MITF: variants seen among roughly 807,000 people sequenced by gnomAD.
MITF encodes microphthalmia-associated transcription factor.
Under a neutral mutation model 60.5 loss-of-function variants are expected in MITF, and 17 were observed. The observed-to-expected ratio is 0.28, with a 90% CI of 0.19 to 0.42. The LOEUF (loss-of-function observed/expected upper bound fraction) is 0.42. MITF is among the 10% of genes least tolerant of loss of function. The probability of loss-of-function intolerance (pLI) is 1.00; values close to 1 mark genes in which losing one functional copy is unlikely to be tolerated. For synonymous variants in MITF, 260 were observed against 248.5 expected (o/e 1.05, Z -0.43); for missense variants, 622 against 683.5 (o/e 0.91, Z 1.00).
intron 5 of MITF, among the ~76,000 whole-genome samples, chr3:69,942,227 A>T (rs186211650): frequency 2.3e-4 from 35 of 152,196 alleles, no homozygotes; most frequent in African/African-American, 8.0e-4. Flanking sequence ...GATTTGCAAG[A>T]TGAAAAATTC....
intron 1 of MITF, among the ~76,000 whole-genome samples, chr3:69,805,815 T>C (rs1024890324): frequency 2.0e-5 from 3 of 152,100 alleles, no homozygotes; most frequent in Non-Finnish European, 4.4e-5. Flanking sequence ...TATGCCACCA[T>C]GTCTGGCTAA....
At chr3:69,804,475 C>A (rs2062973265) in intron 1 of MITF, among the ~76,000 whole-genome samples, 2 of 152,144 alleles carry the variant, frequency 1.3e-5, no homozygotes, top group Admixed American at 1.3e-4. Flanking sequence ...AACACTTAAC[C>A]TTTTCTCTCT....
At chr3:69,886,541 A>G (rs2064623596) in intron 2 of MITF, among the ~76,000 whole-genome samples, 1 of 152,096 alleles carries the variant, frequency 6.6e-6, no homozygotes, top group African/African-American at 2.4e-5. Context: ...AAACATTTCT[A>G]AAGAATCACC....
intron 2 of MITF, among the ~76,000 whole-genome samples, chr3:69,918,675 T>TCTGTGAAGTGAGACTAGTGGTAG (rs2065393610): frequency 1.3e-5 from 2 of 152,190 alleles, no homozygotes; most frequent in Admixed American, 1.3e-4. Flanking sequence ...AGTTTCCTCA[T>TCTGTGAAGTGAGACTAGTGGTAG]CTGTGAAGTG....
chr3:69,820,101 T>C (rs2063244764), intron 1 of MITF, among the ~76,000 whole-genome samples: 1 of 152,214 alleles, frequency 6.6e-6, no homozygotes. Context: ...CCAGACCTCA[T>C]AGATTTCATA....
chr3:69,919,152 G>A (rs1260131320), intron 2 of MITF, among the ~76,000 whole-genome samples: 1 of 152,154 alleles, frequency 6.6e-6, no homozygotes, highest in Non-Finnish European at 1.5e-5. Context: ...CCACCACAGT[G>A]CATTTTCCAA....
intron 3 of MITF, 52 bp from the exon 4 acceptor site, chr3:69,939,046 A>G: frequency 6.3e-7 from 1 of 1,599,924 alleles, no homozygotes; most frequent in Non-Finnish European, 8.5e-7. Context: ...AGGTCATTAA[A>G]AAGTCATTTG....
At chr3:69,963,744 T>C (rs2066609456) in intron 9 of MITF, among the ~76,000 whole-genome samples, 1 of 152,092 alleles carries the variant, frequency 6.6e-6, no homozygotes, top group Admixed American at 6.6e-5. Flanking sequence ...AACTTTGCAA[T>C]GATATCATGT....
intron 1 of MITF, among the ~76,000 whole-genome samples, chr3:69,784,715 G>A (rs1021737993): frequency 1.4e-4 from 21 of 152,078 alleles, no homozygotes; most frequent in Non-Finnish European, 5.9e-5. Flanking sequence ...TTAGAGATTG[G>A]AACTTTTCCA....
At chr3:69,892,445 C>T (rs537420586) in intron 2 of MITF, among the ~76,000 whole-genome samples, 26 of 152,096 alleles carry the variant, frequency 1.7e-4, no homozygotes, top group Non-Finnish European at 2.6e-4. Flanking sequence ...TCATTATCAC[C>T]CAAAGTCCAA....
chr3:69,814,090 T>G (rs963054349), intron 1 of MITF, among the ~76,000 whole-genome samples: 1 of 152,086 alleles, frequency 6.6e-6, no homozygotes, highest in African/African-American at 2.4e-5. Context: ...CTGGGCAGCT[T>G]CTTGATTTCC....
intron 1 of MITF, among the ~76,000 whole-genome samples, chr3:69,753,033 A>G (rs1256640731): frequency 1.3e-5 from 2 of 152,218 alleles, no homozygotes; most frequent in Admixed American, 6.5e-5. Context: ...AAAGCATTTC[A>G]GAGAACTTTG....
chr3:69,787,268 A>G (rs180729266), intron 1 of MITF, among the ~76,000 whole-genome samples: 10 of 152,334 alleles, frequency 6.6e-5, no homozygotes, highest in African/African-American at 2.4e-4. Context: ...ACTGAACTTC[A>G]CCAAAGGAAG....
At chr3:69,848,716 G>A (rs1391767804) in intron 1 of MITF, among the ~76,000 whole-genome samples, 1 of 152,118 alleles carries the variant, frequency 6.6e-6, no homozygotes, top group East Asian at 1.9e-4. Flanking sequence ...TGACAATCAT[G>A]TCACATCTGC....
intron 1 of MITF, among the ~76,000 whole-genome samples, chr3:69,865,206 T>C (rs1338891157): frequency 6.6e-6 from 1 of 152,204 alleles, no homozygotes; most frequent in Non-Finnish European, 1.5e-5. Flanking sequence ...ATAATTTCAT[T>C]ATATCACGTA....
chr3:69,933,861 A>C (rs576526039), intron 2 of MITF, among the ~76,000 whole-genome samples: 2 of 152,320 alleles, frequency 1.3e-5, no homozygotes, highest in Admixed American at 1.3e-4. Context: ...TTGGCTATTT[A>C]AAAATTAATG....
At chr3:69,849,760 A>G (rs1036052) in intron 1 of MITF, among the ~76,000 whole-genome samples, 74,781 of 151,980 alleles carry the variant, frequency 0.49, 20,124 homozygotes, top group Non-Finnish European at 0.63. Flanking sequence ...GCCTCTCCCT[A>G]CTTTCCTCCT....
intron 1 of MITF, among the ~76,000 whole-genome samples, chr3:69,793,985 G>A (rs752252994): frequency 1.3e-4 from 20 of 152,126 alleles, no homozygotes; most frequent in Non-Finnish European, 2.1e-4. Context: ...CATTTTCTTC[G>A]ACTGGGATTT....
chr3:69,827,980 C>A (rs1321136629), intron 1 of MITF, among the ~76,000 whole-genome samples: 1 of 152,178 alleles, frequency 6.6e-6, no homozygotes, highest in Non-Finnish European at 1.5e-5. Context: ...CTCTGTGCAG[C>A]TTCAAAGTAA....
Sources: gnomAD v4.1 joint callset for allele counts (sites outside exome capture counted in the v4.1 genomes callset) on GRCh38, gnomAD v4.1.1 for gene constraint, MANE v1.5 for transcripts, NCBI Gene and HGNC (gene_info 2026-07-23, HGNC 2026-07-21) for gene names.